FKBP1A: variants seen among roughly 807,000 people sequenced by gnomAD.
FKBP1A encodes FKBP prolyl isomerase 1A.
In FKBP1A, 5 loss-of-function variants were observed where a neutral mutation model predicts 14.2. The ratio of observed to expected loss-of-function variants is 0.35; its 90% confidence interval spans 0.18 to 0.74. The LOEUF (loss-of-function observed/expected upper bound fraction) is 0.74. Ranked by LOEUF, FKBP1A falls within the 30% of genes least tolerant of loss-of-function variation. FKBP1A has a pLI of 0.56. For missense variants in FKBP1A, 53 were observed against 138.8 expected, an observed-to-expected ratio of 0.38 and a Z score of 3.10; for synonymous variants, 42 against 49.1, an observed-to-expected ratio of 0.86 and a Z score of 0.60.
intron 1 of FKBP1A, 23 bp from the exon 2 acceptor site, chr20:1,392,904 G>A (rs1226134586): frequency 7.2e-6 from 11 of 1,534,526 alleles, no homozygotes; most frequent in Non-Finnish European, 9.6e-6. Flanking sequence ...AGACGGGCAT[G>A]CTGAGCCGAT....
At chr20:1,380,017 G>A (rs1461702496) in intron 2 of FKBP1A, among the ~76,000 whole-genome samples, 1 of 152,098 alleles carries the variant, frequency 6.6e-6, no homozygotes, top group Non-Finnish European at 1.5e-5. Flanking sequence ...TTCCATTTCT[G>A]GTCACGGTGG....
intron 3 of FKBP1A, chr20:1,375,185 G>A (rs540110012): frequency 1.7e-4 from 90 of 519,910 alleles, no homozygotes; most frequent in Middle Eastern, 5.0e-4. Context: ...ATGAGCCACC[G>A]CGCCCAGCCT....
chr20:1,376,710 T>C (rs41280316), intron 2 of FKBP1A: 1 of 152,260 alleles, frequency 6.6e-6, no homozygotes, highest in Non-Finnish European at 1.5e-5. Context: ...TTTACTATTA[T>C]AAAAATAGTA....
intron 2 of FKBP1A, chr20:1,391,685 C>CT (rs1209022605): frequency 1.5e-5 from 6 of 398,456 alleles, no homozygotes; most frequent in African/African-American, 2.1e-5. Context: ...AAAGGTGGAG[C>CT]TTATTCGTGA....
At chr20:1,385,221 A>G (rs1568591279) in intron 2 of FKBP1A, among the ~76,000 whole-genome samples, 1 of 151,864 alleles carries the variant, frequency 6.6e-6, no homozygotes, top group Admixed American at 6.6e-5. Flanking sequence ...GAAACCCTGT[A>G]TCTACTAAAA....
intron 4 of FKBP1A, 54 bp from the exon 5 acceptor site, chr20:1,370,126 C>A: frequency 6.5e-7 from 1 of 1,533,670 alleles, no homozygotes; most frequent in Non-Finnish European, 8.7e-7. Context: ...TCTTTGTGTG[C>A]AGTGGCGACA....
At chr20:1,388,457 T>C (rs2089693126) in intron 2 of FKBP1A, among the ~76,000 whole-genome samples, 1 of 152,242 alleles carries the variant, frequency 6.6e-6, no homozygotes, top group Admixed American at 6.5e-5. Context: ...GTAGTCTCGA[T>C]AGGCATTTGC....
intron 2 of FKBP1A, among the ~76,000 whole-genome samples, chr20:1,383,534 C>T (rs946236160): frequency 2.0e-5 from 3 of 151,788 alleles, no homozygotes; most frequent in Non-Finnish European, 4.4e-5. Context: ...AGGCCAGCTG[C>T]GGAGGAGGCT....
intron 2 of FKBP1A, chr20:1,378,819 T>C (rs530945654): frequency 1.3e-5 from 2 of 152,330 alleles, no homozygotes; most frequent in East Asian, 3.9e-4. Context: ...CGCTACAATG[T>C]AGTGCTGCCA....
intron 2 of FKBP1A, among the ~76,000 whole-genome samples, chr20:1,388,639 C>T (rs2089695454): frequency 6.6e-6 from 1 of 152,142 alleles, no homozygotes; most frequent in Non-Finnish European, 1.5e-5. Context: ...CCACTTCTGC[C>T]CACTGCCTGA....
Position 1,384,312 on chromosome 20 carries a change from G to C in FKBP1A, c.85+8522C>G, listed in dbSNP as rs149244471. Among the ~76,000 whole-genome samples the C allele has an allele frequency of 4.6e-3, 696 of 152,274 alleles. 4 individuals are homozygous for C. The highest frequency in any genetic ancestry group is 0.016 in the African/African-American group (666 of 41,544). On this transcript the variant is annotated intron_variant, in intron 2 of 4. Coordinates refer to ENST00000400137, the MANE Select transcript of FKBP1A (RefSeq NM_000801.5). ...GACTCCTGGGAAAGACTCAATAAAGGCAAGTCACTAAAAAACTATTGCTAG... is the reference window on the plus strand; with the variant it reads ...GACTCCTGGGAAAGACTCAATAAAGCCAAGTCACTAAAAAACTATTGCTAG...
intron 2 of FKBP1A, among the ~76,000 whole-genome samples, chr20:1,391,007 TAGGAAAAGGCTCC>T (rs2089728995): frequency 6.6e-6 from 1 of 152,112 alleles, no homozygotes; most frequent in South Asian, 2.1e-4. Context: ...TCTGTTCTCA[TAGGAAAAGGCTCC>T]AGACATGCTG....
chr20:1,371,411 G>A (rs77324343), intron 4 of FKBP1A, among the ~76,000 whole-genome samples: 1,631 of 152,296 alleles, frequency 0.011, 23 homozygotes, highest in African/African-American at 0.038. Flanking sequence ...TAAAGCTGAT[G>A]CAGAGGCCCC....
rs2089426107 is a variant in FKBP1A, at chr20:1,369,095, G to A, written c.*1014C>T. On this transcript the variant is annotated 3_prime_UTR_variant, in exon 5 of 5. Coordinates refer to ENST00000400137, the MANE Select transcript of FKBP1A (RefSeq NM_000801.5). ...CCAAATCACTACACAGGACAGCAAA[G>A]GGGTGAGAAGGGGCTGAGGGAGGAA... 6.0e-6 allele frequency: 1 copy of A among 167,134 alleles called. No homozygotes were observed. The highest frequency in any genetic ancestry group is 2.4e-5 in the African/African-American group (1 of 41,454). 10.4% of individuals were successfully genotyped at this position (167,134 alleles called of 1,614,324 possible). A position where few individuals can be genotyped will look rare whatever the true frequency, so the allele number is the denominator to read the frequency against.
At chr20:1,389,810 C>A (rs563854242) in intron 2 of FKBP1A, among the ~76,000 whole-genome samples, 3 of 152,208 alleles carry the variant, frequency 2.0e-5, no homozygotes, top group Admixed American at 2.0e-4. Context: ...GACGAAGCTA[C>A]TGGAGGCAGC....
chr20:1,389,465 G>A (rs1368095285), intron 2 of FKBP1A, among the ~76,000 whole-genome samples: 1 of 152,110 alleles, frequency 6.6e-6, no homozygotes, highest in East Asian at 1.9e-4. Context: ...AGGAGAGGGG[G>A]GAACAAAGCT....
chr20:1,386,702 A>T lies in FKBP1A; in HGVS notation c.85+6132T>A, dbSNP rs1376467839. 6.6e-6 allele frequency among the ~76,000 whole-genome samples: 1 copy of T among 152,204 alleles called. No individual in the cohort carries two copies. On this transcript the variant is annotated intron_variant, in intron 2 of 4. Transcript: ENST00000400137. The surrounding 1 kb of genome is among the most constrained non-coding windows in gnomAD (Gnocchi z 4.7). ...GGGGCAGAGACCTCCATGTGGGAAA[A>T]GGCTTGGAGCATTCGAGGAATGAAT...
intron 2 of FKBP1A, among the ~76,000 whole-genome samples, chr20:1,382,154 C>A (rs1477416769): frequency 2.0e-5 from 3 of 152,176 alleles, no homozygotes; most frequent in Non-Finnish European, 4.4e-5. Flanking sequence ...GTAAAGCAGG[C>A]AGCAAGTCAA....
At chr20:1,374,573 C>T (rs554444183) in intron 3 of FKBP1A, 3 of 152,218 alleles carry the variant, frequency 2.0e-5, no homozygotes. Flanking sequence ...GAGTGCAACC[C>T]CTAGAGATGG....
Sources: allele counts gnomAD v4.1 joint callset (sites outside exome capture counted in the v4.1 genomes callset), GRCh38; gene constraint gnomAD v4.1.1; non-coding constraint Gnocchi (gnomAD v3.1); transcripts MANE v1.5; gene names NCBI Gene and HGNC (gene_info 2026-07-23, HGNC 2026-07-21).